IWS1: variants seen among roughly 807,000 people sequenced by gnomAD.
IWS1 encodes interacts with SUPT6H, CTD assembly factor 1, also known as protein IWS1 homolog.
In IWS1, 27 loss-of-function variants were observed where a neutral mutation model predicts 86.7. The observed-to-expected ratio is 0.31, with a 90% confidence interval of 0.23 to 0.43. IWS1 has a LOEUF of 0.43. Among genes scored for constraint, IWS1 ranks in the 20% least tolerant of loss-of-function variants. The pLI is 1.00. For synonymous variants in IWS1, 313 were observed against 335.1 expected (o/e 0.93, Z 0.72); for missense variants, 827 against 1,000.8 (o/e 0.83, Z 2.34).
chr2:127,483,571 C>CGGGGGGGGGGGGGGGGGGG (rs1419283644), intron 13 of IWS1, among the ~76,000 whole-genome samples: 8 of 20,170 alleles, frequency 4.0e-4, no homozygotes, highest in Admixed American at 7.3e-4. Context: ...ATAATTTGGT[C>CGGGGGGGGGGGGGGGGGGG]GGGGCGGGGG....
intron 2 of IWS1, among the ~76,000 whole-genome samples, chr2:127,518,861 C>A (rs969474638): frequency 6.6e-6 from 1 of 152,094 alleles, no homozygotes; most frequent in African/African-American, 2.4e-5. Context: ...TCAGTCACCG[C>A]ACCCGGCCCA....
intron 5 of IWS1, chr2:127,498,896 T>C (rs1194356806): frequency 1.3e-5 from 2 of 152,194 alleles, no homozygotes; most frequent in East Asian, 3.9e-4. Context: ...TACAAAGCCA[T>C]GTGTCATTCT....
chr2:127,495,875 A>T, intron 7 of IWS1, 123 bp downstream of exon 7: 1 of 859,040 alleles, frequency 1.2e-6, no homozygotes, highest in Non-Finnish European at 1.7e-6. Context: ...TGAGAACAGT[A>T]AATGCTTTAT....
intron 6 of IWS1, among the ~76,000 whole-genome samples, chr2:127,497,606 C>CAGTTTAATTATGCA (rs1372038271): frequency 6.6e-6 from 1 of 152,156 alleles, no homozygotes; most frequent in Non-Finnish European, 1.5e-5. Flanking sequence ...CAAACTCATT[C>CAGTTTAATTATGCA]AGTTTAATTA....
At chr2:127,507,720 T>G (rs1330132426) in intron 2 of IWS1, among the ~76,000 whole-genome samples, 1 of 152,176 alleles carries the variant, frequency 6.6e-6, no homozygotes, top group Non-Finnish European at 1.5e-5. Context: ...TCCTGAGGTA[T>G]CCTCAGAGTG....
At chr2:127,494,412 TC>T (rs993741222) in intron 8 of IWS1, 5 of 152,656 alleles carry the variant, frequency 3.3e-5, no homozygotes, top group African/African-American at 4.8e-5. Flanking sequence ...TTTACTATTT[TC>T]CATCACACGG....
chr2:127,525,069 C>T (rs879597018), intron 1 of IWS1, among the ~76,000 whole-genome samples: 33 of 101,206 alleles, frequency 3.3e-4, no homozygotes, highest in Non-Finnish European at 5.1e-4. Context: ...CTAATTTTTG[C>T]ATTTTTTTGT....
At position 127,523,657 on chromosome 2, in the gene IWS1, G is replaced by A; in HGVS notation, c.150+19C>T. The A allele has an allele frequency of 6.6e-7, 1 of 1,519,856 alleles. No individual in the cohort carries two copies. The highest frequency in any genetic ancestry group is 1.7e-4 in the Middle Eastern group (1 of 5,826). 94.1% of individuals were successfully genotyped at this position (1,519,856 alleles called of 1,614,324 possible). ...AACGCAAGGGAAAAGCCCTCCCAAA[G>A]ATGTTGGTTAGCCAATACCTCTGAA... is the stretch of plus-strand genomic sequence containing the variant. On this transcript the variant is annotated intron_variant, in intron 2 of 13. Transcript: ENST00000295321.
At chr2:127,483,586 T>TGGGGGGG (rs1558736777) in intron 13 of IWS1, among the ~76,000 whole-genome samples, 1 of 17,102 alleles carries the variant, frequency 5.8e-5, no homozygotes. Context: ...CGGGGGGTGG[T>TGGGGGGG]GGGGTGGGGG....
At chr2:127,491,282 C>T (rs1047955930) in intron 10 of IWS1, among the ~76,000 whole-genome samples, 1 of 152,188 alleles carries the variant, frequency 6.6e-6, no homozygotes. Flanking sequence ...ACATAATTAT[C>T]TCAACTTTAC....
At chr2:127,496,654 G>A (rs58462277) in intron 6 of IWS1, among the ~76,000 whole-genome samples, 18,472 of 151,588 alleles carry the variant, frequency 0.12, 1,805 homozygotes, top group African/African-American at 0.25. Flanking sequence ...ATAGTTCACC[G>A]TAGCCTCAAA....
In IWS1 at chr2:127,493,406, C is replaced by T. The variant is rs1690337497; in HGVS notation, c.1804G>A (p.Asp602Asn). 6.2e-6 allele frequency: 10 copies of T among 1,604,324 alleles called. No individual in the cohort carries two copies. Among genetic ancestry groups the T allele is most frequent in the African/African-American group, 1.3e-5 (1 of 74,338 alleles). ...PAVVMHLKKQ[D>N]LKETFIDSGV... is the part of the protein sequence containing the mutation. ...CTGTCAATGAATGTTTCTTTAAGGT[C>T]CTGCCTGCAGTAACAATAATTTTTA... Residue 602 changes from aspartate to asparagine, a missense_variant, in exon 9 of 14, where the codon GAC becomes AAC. Asp to Asn is a conservative substitution (Grantham distance 23). Around this residue, in one of 2 missense-constraint regions of IWS1, gnomAD observed 279 missense variants for 440.6 expected, o/e 0.63. Coordinates refer to ENST00000295321, the MANE Select transcript of IWS1 (RefSeq NM_017969.3).
In IWS1 at chr2:127,505,827, TTC is replaced by T. The variant is rs1218617739; in HGVS notation, c.151-77_151-76del. 2.9e-6 allele frequency: 3 copies of T among 1,037,032 alleles called. No individual in the cohort carries two copies. Among genetic ancestry groups the T allele is most frequent in the African/African-American group, 1.6e-5 (1 of 61,650 alleles). 64.2% of individuals were successfully genotyped at this position (1,037,032 alleles called of 1,614,324 possible). A position where few individuals can be genotyped will look rare whatever the true frequency, so the allele number is the denominator to read the frequency against. On this transcript the variant is annotated intron_variant, in intron 2 of 13. Coordinates refer to ENST00000295321, the MANE Select transcript of IWS1 (RefSeq NM_017969.3). This position sits in a 1 kb window ranked among gnomAD's most constrained non-coding sequence, Gnocchi z 5.0. ...CATTAATAATAAAACATTAAATTTT[TTC>T]TGTGATTTTTTTAAAATACAGGATT...
chr2:127,496,187 C>T, intron 6 of IWS1, 39 bp from the exon 7 acceptor site: 1 of 1,579,438 alleles, frequency 6.3e-7, no homozygotes, highest in Non-Finnish European at 8.6e-7. Flanking sequence ...TACAAGTTGT[C>T]TTTTAAATAC....
chr2:127,511,474 T>A (rs1304052184), intron 2 of IWS1: 1 of 152,196 alleles, frequency 6.6e-6, no homozygotes, highest in Admixed American at 6.5e-5. Flanking sequence ...TACAAAACAT[T>A]CACCCCTTCA....
intron 10 of IWS1, among the ~76,000 whole-genome samples, chr2:127,490,600 G>A (rs548350046): frequency 1.1e-4 from 17 of 152,166 alleles, no homozygotes; most frequent in African/African-American, 3.9e-4. Flanking sequence ...ACCGAACATG[G>A]GTGCTGTCAC....
chr2:127,505,960 T>TAAC lies in IWS1; in HGVS notation c.151-211_151-209dup, dbSNP rs1691127512. Reference sequence around the variant, plus strand: ...ATTTGGATCCCCAAATGGGGAAATATAACCAGCCTTCATCAAAACAGATTT... The same window carrying TAAC: ...ATTTGGATCCCCAAATGGGGAAATATAACAACCAGCCTTCATCAAAACAGATTT... On this transcript the variant is annotated intron_variant, in intron 2 of 13. Transcript: ENST00000295321. The surrounding 1 kb of genome is among the most constrained non-coding windows in gnomAD (Gnocchi z 5.0). Among the ~76,000 whole-genome samples, 1 of 152,168 alleles carries TAAC rather than the reference T, an allele frequency of 6.6e-6. No homozygotes were observed. Among genetic ancestry groups the TAAC allele is most frequent in the South Asian group, 2.1e-4 (1 of 4,836 alleles).
At chr2:127,523,426 A>G (rs1266710530) in intron 2 of IWS1, among the ~76,000 whole-genome samples, 5 of 152,176 alleles carry the variant, frequency 3.3e-5, no homozygotes, top group Non-Finnish European at 5.9e-5. Context: ...CATTTTCTGA[A>G]TCAATATGCA....
At chr2:127,508,103 A>ATG (rs71336234) in intron 2 of IWS1, among the ~76,000 whole-genome samples, 76,418 of 151,306 alleles carry the variant, frequency 0.51, 21,074 homozygotes, top group Admixed American at 0.66. Context: ...ATGAGTAATA[A>ATG]AGGCCTTAAG....
Sources: gnomAD v4.1 joint callset for allele counts (sites outside exome capture counted in the v4.1 genomes callset) on GRCh38, gnomAD v4.1.1 for gene constraint, gnomAD v4.1.1 regional missense constraint, Gnocchi (gnomAD v3.1) non-coding constraint, MANE v1.5 for transcripts, NCBI Gene and HGNC (gene_info 2026-07-23, HGNC 2026-07-21) for gene names.